The following MEGF10 variants were observed in gnomAD, a reference collection of about 807,000 sequenced individuals.
MEGF10 encodes multiple epidermal growth factor-like domains protein 10.
MEGF10 carries 86 observed loss-of-function variants against 147.5 expected under a neutral mutation model. The observed-to-expected ratio is 0.58, with a 90% CI of 0.49 to 0.70. MEGF10 has a LOEUF of 0.70. Among genes scored for constraint, MEGF10 ranks in the 30% least tolerant of loss-of-function variants. MEGF10 has a pLI of 0.00. For synonymous variants in MEGF10, 478 were observed against 525.5 expected (o/e 0.91, Z 1.24); for missense variants, 1,329 against 1,487.3 (o/e 0.89, Z 1.75).
chr5:127,409,156 C>T (rs1403177124), intron 8 of MEGF10, among the ~76,000 whole-genome samples: 1 of 152,206 alleles, frequency 6.6e-6, no homozygotes, highest in Non-Finnish European at 1.5e-5. Flanking sequence ...TGCACCCTAT[C>T]ATTAAAAATA....
chr5:127,403,196 C>T (rs532598801), intron 8 of MEGF10, among the ~76,000 whole-genome samples: 17 of 152,266 alleles, frequency 1.1e-4, no homozygotes, highest in African/African-American at 3.9e-4. Flanking sequence ...TGTGCTCATG[C>T]GGGTCTTACT....
chr5:127,431,639 A>T (rs1488438368), intron 13 of MEGF10, among the ~76,000 whole-genome samples: 1 of 152,176 alleles, frequency 6.6e-6, no homozygotes, highest in African/African-American at 2.4e-5. Context: ...TGATTGTCTA[A>T]GTCTCTGTGA....
At chr5:127,331,055 A>G (rs1761236309) in intron 1 of MEGF10, among the ~76,000 whole-genome samples, 1 of 152,158 alleles carries the variant, frequency 6.6e-6, no homozygotes. Flanking sequence ...TCTTGTGGCA[A>G]TTGATGATGA....
the MEGF10 span, among the ~76,000 whole-genome samples, chr5:127,254,671 TGTG>T: frequency 6.6e-6 from 1 of 150,942 alleles, no homozygotes; most frequent in South Asian, 2.1e-4. Flanking sequence ...ATTAGCCGGG[TGTG>T]GTGGTGCATG....
intron 2 of MEGF10, among the ~76,000 whole-genome samples, chr5:127,337,818 A>G (rs1168707177): frequency 1.3e-5 from 2 of 152,142 alleles, no homozygotes; most frequent in Non-Finnish European, 2.9e-5. Context: ...TCTGCTGAAC[A>G]TCTCCCAGTT....
chr5:127,372,373 C>A (rs1224922314), intron 5 of MEGF10, among the ~76,000 whole-genome samples: 3 of 152,214 alleles, frequency 2.0e-5, no homozygotes, highest in African/African-American at 2.4e-5. Flanking sequence ...CTCCTGTGTG[C>A]TCAAACCCAG....
chr5:127,419,902 T>G (rs1764925188), intron 11 of MEGF10, 142 bp from the exon 12 acceptor site: 2 of 957,324 alleles, frequency 2.1e-6, no homozygotes, highest in Non-Finnish European at 3.0e-6. Context: ...AGGCCTAACT[T>G]GGCAGAACCA....
At chr5:127,246,329 C>T in the MEGF10 span, among the ~76,000 whole-genome samples, 9 of 151,442 alleles carry the variant, frequency 5.9e-5, no homozygotes, top group Non-Finnish European at 1.0e-4. Context: ...CTGGAAACCA[C>T]CATTCTCAGC....
At chr5:127,342,835 A>G (rs1304847667) in intron 4 of MEGF10, among the ~76,000 whole-genome samples, 2 of 152,086 alleles carry the variant, frequency 1.3e-5, no homozygotes, top group East Asian at 1.9e-4. Flanking sequence ...TGAGACTGCA[A>G]TATTTTTTCC....
intron 16 of MEGF10, among the ~76,000 whole-genome samples, chr5:127,436,966 A>G (rs1364823349): frequency 6.6e-6 from 1 of 152,220 alleles, no homozygotes; most frequent in Admixed American, 6.5e-5. Context: ...GATTTTTTAA[A>G]GCACTATCTC....
chr5:127,278,087 T>G, the MEGF10 span, among the ~76,000 whole-genome samples: 1,508 of 152,190 alleles, frequency 9.9e-3, 16 homozygotes, highest in Non-Finnish European at 0.017. Context: ...TATGGAGTTA[T>G]TGTAGCTAGA....
the MEGF10 span, among the ~76,000 whole-genome samples, chr5:127,242,605 C>T: frequency 6.6e-6 from 1 of 152,118 alleles, no homozygotes; most frequent in African/African-American, 2.4e-5. Context: ...GTAAACACAA[C>T]TAAGCCTTTA....
At position 127,458,027 on chromosome 5, in the gene MEGF10, G is replaced by T. The variant is rs1440629695; in HGVS notation, c.*709G>T. ...TACACAAATGTGCCAGGCAGAGGTG[G>T]TTTTCTCTGTTTGACTCTCAACCAA... On this transcript the variant is annotated 3_prime_UTR_variant, in exon 25 of 25. Transcript: ENST00000503335. 6.6e-6 allele frequency: 1 copy of T among 151,926 alleles called. No individual in the cohort carries two copies. Among genetic ancestry groups the T allele is most frequent in the Non-Finnish European group, 1.5e-5 (1 of 67,966 alleles). The allele number at this position is 151,926 out of a possible 1,614,324, so 9.4% of individuals were successfully genotyped here.
rs1022478067 is a variant in MEGF10 at position 127,381,682 on chromosome 5, T to G, written c.412+11680T>G. Among the ~76,000 whole-genome samples the G allele has an allele frequency of 3.3e-5, 5 of 152,228 alleles. No homozygotes were observed. The South Asian group carries it at 1.0e-3, about 31-fold the overall frequency. On this transcript the variant is annotated intron_variant, in intron 5 of 24. Transcript: ENST00000503335. ...GTTTCTTTTTGTTTTTGTTTTTGTT[T>G]TTCTCGAGACAAGAGTCTCGCTCTG...
upstream of MEGF10, among the ~76,000 whole-genome samples, chr5:127,288,920 C>A (rs1326716167): frequency 6.6e-6 from 1 of 152,094 alleles, no homozygotes; most frequent in Non-Finnish European, 1.5e-5. Flanking sequence ...CAGATACAGG[C>A]ACAACATTAA....
intron 4 of MEGF10, among the ~76,000 whole-genome samples, chr5:127,347,522 T>C (rs2126813353): frequency 6.6e-6 from 1 of 152,174 alleles, no homozygotes; most frequent in African/African-American, 2.4e-5. Flanking sequence ...ATAGGAACTA[T>C]AGTTATGTTA....
chr5:127,451,928 T>C (rs1443916398), intron 22 of MEGF10, among the ~76,000 whole-genome samples: 1 of 152,202 alleles, frequency 6.6e-6, no homozygotes, highest in Non-Finnish European at 1.5e-5. Flanking sequence ...GAAAGAGCCT[T>C]GAACTAGACA....
intron 1 of MEGF10, among the ~76,000 whole-genome samples, chr5:127,320,317 G>A (rs1760741215): frequency 6.6e-6 from 1 of 152,142 alleles, no homozygotes; most frequent in Non-Finnish European, 1.5e-5. Context: ...GACAAACCAG[G>A]AGACACAGGG....
chr5:127,327,929 G>A (rs1580718915), intron 1 of MEGF10, among the ~76,000 whole-genome samples: 1 of 151,752 alleles, frequency 6.6e-6, no homozygotes, highest in African/African-American at 2.4e-5. Flanking sequence ...GTTGGCCAGG[G>A]TGGTTTCGAA....
Sources: gnomAD v4.1 joint callset for allele counts (sites outside exome capture counted in the v4.1 genomes callset) on GRCh38, gnomAD v4.1.1 for gene constraint, MANE v1.5 for transcripts, NCBI Gene and HGNC (gene_info 2026-07-23, HGNC 2026-07-21) for gene names.